CEP162: variants seen among roughly 807,000 people sequenced by gnomAD.
CEP162 encodes the protein centrosomal protein 162.
A neutral mutation model predicts 169.2 loss-of-function variants in CEP162; 141 were observed. The ratio of observed to expected loss-of-function variants is 0.83; its 90% CI spans 0.73 to 0.96. The LOEUF (loss-of-function observed/expected upper bound fraction) is 0.96. CEP162 is among the 40% of genes least tolerant of loss of function. The probability of loss-of-function intolerance (pLI) is 0.00; values close to 1 mark genes in which losing one functional copy is unlikely to be tolerated. For missense variants in CEP162, 1,600 were observed against 1,587.2 expected, an observed-to-expected ratio of 1.01 and a Z score of -0.14; for synonymous variants, 540 against 526.4, an observed-to-expected ratio of 1.03 and a Z score of -0.35.
At chr6:84,137,024 G>A (rs560802048) in intron 25 of CEP162, among the ~76,000 whole-genome samples, 12 of 152,310 alleles carry the variant, frequency 7.9e-5, no homozygotes, top group African/African-American at 2.6e-4. Context: ...GGGAGCCACC[G>A]TGCAAGGATT....
Position 84,152,988 on chromosome 6 carries a change from C to T in CEP162, c.3186G>A (p.Lys1062=). 1 of 1,613,514 alleles carries T rather than the reference C, an allele frequency of 6.2e-7. No homozygotes were observed. Among genetic ancestry groups the T allele is most frequent in the Middle Eastern group, 1.7e-4 (1 of 6,060 alleles). ...AATCTTCATCATCTTTATCATTTTT[C>T]TTGACGTCTAATTCAGCATTCTGAT... ...LKHQNAELDV[K]KNDKDDEDFQ... is the part of the protein sequence containing the mutation. Residue 1062 remains lysine, a synonymous_variant, in exon 23 of 27, where the codon AAG becomes AAA. Transcript: ENST00000403245.
intron 13 of CEP162, among the ~76,000 whole-genome samples, chr6:84,182,571 G>A (rs905183737): frequency 6.6e-6 from 1 of 151,950 alleles, no homozygotes; most frequent in Non-Finnish European, 1.5e-5. Context: ...TTCAACTTAC[G>A]GCCACAAGAT....
Position 84,149,634 on chromosome 6 carries a change from G to T in CEP162, c.3699C>A (p.Leu1233=), listed in dbSNP as rs2099520376. The T allele has an allele frequency of 6.2e-7, 1 of 1,604,974 alleles. No homozygotes were observed. The highest frequency in any genetic ancestry group is 1.1e-5 in the South Asian group (1 of 89,976). ...AATTTTCTACTGCATTTTGGCAAAG[G>T]AGTTTCTCTATTTCTCTCTGATGAG... The part of the protein sequence containing the change: ...KASHQREIEK[L]LCQNAVENSS... The change falls in exon 24 of 27, where the codon CTC becomes CTA. Residue 1233 remains leucine (L), a synonymous_variant. Coordinates refer to ENST00000403245, the MANE Select transcript of CEP162 (RefSeq NM_014895.4).
intron 3 of CEP162, among the ~76,000 whole-genome samples, chr6:84,218,534 T>TG (rs1180387988): frequency 1.3e-5 from 2 of 152,252 alleles, no homozygotes; most frequent in African/African-American, 4.8e-5. Context: ...GTTTTATTTT[T>TG]GTTTTTTGCT....
chr6:84,156,358 C>A (rs74574410), intron 21 of CEP162, among the ~76,000 whole-genome samples: 6,439 of 151,942 alleles, frequency 0.042, 198 homozygotes, highest in Admixed American at 0.086. Context: ...GCAACAAAAC[C>A]AAAAATAAAC....
chr6:84,135,869 C>A (rs1004266462), intron 25 of CEP162, among the ~76,000 whole-genome samples: 4 of 152,118 alleles, frequency 2.6e-5, no homozygotes, highest in South Asian at 4.1e-4. Flanking sequence ...CTCAAAAAAA[C>A]AACAAAAAAA....
intron 2 of CEP162, among the ~76,000 whole-genome samples, chr6:84,224,381 G>A (rs1437638883): frequency 6.6e-6 from 1 of 152,142 alleles, no homozygotes; most frequent in Admixed American, 6.5e-5. Flanking sequence ...CCTAAGGCTA[G>A]GGAAGGGGGA....
intron 25 of CEP162, among the ~76,000 whole-genome samples, chr6:84,141,438 T>G (rs140498957): frequency 2.0e-5 from 3 of 152,242 alleles, no homozygotes; most frequent in African/African-American, 7.2e-5. Flanking sequence ...CCTCCTTACC[T>G]ACCTATAGTC....
intron 3 of CEP162, among the ~76,000 whole-genome samples, chr6:84,216,668 C>T (rs1392157056): frequency 1.3e-5 from 2 of 151,970 alleles, no homozygotes; most frequent in East Asian, 3.9e-4. Context: ...ATTTCTTAGA[C>T]ATTATTATGG....
chr6:84,201,676 G>A, intron 8 of CEP162, 61 bp downstream of exon 8: 1 of 816,494 alleles, frequency 1.2e-6, no homozygotes, highest in Admixed American at 2.7e-5. Flanking sequence ...GAATTACTGA[G>A]ATGAAATTCT....
chr6:84,146,385 C>T lies in CEP162; in HGVS notation c.3870+302G>A, dbSNP rs192109192. 5.7e-3 allele frequency among the ~76,000 whole-genome samples: 864 copies of T among 152,196 alleles called. 8 individuals carry two copies. Among genetic ancestry groups the T allele is most frequent in the Non-Finnish European group, 9.9e-3 (675 of 67,976 alleles). ...GTACTTTACTTAACACAGAAATGGA[C>T]TTCACTATTCAATTTTGTCTCCTGA... On this transcript the variant is annotated intron_variant, in intron 25 of 26. Transcript: ENST00000403245.
At chr6:84,187,426 G>C (rs192106122) in intron 11 of CEP162, among the ~76,000 whole-genome samples, 73 of 152,194 alleles carry the variant, frequency 4.8e-4, no homozygotes, top group Middle Eastern at 6.8e-3. Context: ...TTGGCTTCTT[G>C]GTAACTGCTA....
intron 2 of CEP162, among the ~76,000 whole-genome samples, chr6:84,221,555 AAT>A (rs1272077663): frequency 6.6e-6 from 1 of 152,228 alleles, no homozygotes; most frequent in East Asian, 1.9e-4. Flanking sequence ...ACAGAATTTC[AAT>A]ATAAGGAAGA....
chr6:84,163,321 T>C lies in CEP162; in HGVS notation c.2386-51A>G, dbSNP rs1165050228. 7 of 1,354,334 alleles carry C rather than the reference T, an allele frequency of 5.2e-6. No homozygotes were observed. In the Admixed American group the frequency reaches 7.5e-5, roughly 15 times the overall value. 83.9% of individuals were successfully genotyped at this position (1,354,334 alleles called of 1,614,324 possible). A position where few individuals can be genotyped will look rare whatever the true frequency, so the allele number is the denominator to read the frequency against. On this transcript the variant is annotated intron_variant, in intron 18 of 26. Coordinates refer to ENST00000403245, the MANE Select transcript of CEP162 (RefSeq NM_014895.4). ...GCAAGTTTTTTACAACCACAATAAA[T>C]TGTGGTATAGTCTTTCAAACAATCC... is the stretch of plus-strand genomic sequence containing the variant.
chr6:84,211,075 A>G (rs2099549221), intron 6 of CEP162, among the ~76,000 whole-genome samples: 1 of 152,222 alleles, frequency 6.6e-6, no homozygotes, highest in South Asian at 2.1e-4. Context: ...ACGAAACTAA[A>G]TAGCCAACAG....
chr6:84,218,620 G>GA (rs1452613880), intron 3 of CEP162, among the ~76,000 whole-genome samples: 1 of 152,120 alleles, frequency 6.6e-6, no homozygotes, highest in Non-Finnish European at 1.5e-5. Flanking sequence ...ATGAAGATTA[G>GA]AAAAAATATC....
intron 9 of CEP162, among the ~76,000 whole-genome samples, chr6:84,195,294 C>T (rs933361846): frequency 2.6e-5 from 4 of 152,206 alleles, no homozygotes; most frequent in African/African-American, 9.7e-5. Context: ...ATAAAATCTG[C>T]TTTCACTCGT....
intron 13 of CEP162, among the ~76,000 whole-genome samples, chr6:84,180,583 T>C (rs1041218411): frequency 1.3e-5 from 2 of 150,642 alleles, no homozygotes; most frequent in African/African-American, 4.8e-5. Flanking sequence ...CATGATTGTG[T>C]ATTTAGAATA....
intron 6 of CEP162, among the ~76,000 whole-genome samples, chr6:84,209,146 T>C (rs575229850): frequency 6.6e-6 from 1 of 152,282 alleles, no homozygotes; most frequent in Non-Finnish European, 1.5e-5. Flanking sequence ...CTAAATTCAA[T>C]TCCCGGTTCC....
Sources: gnomAD v4.1 joint callset for allele counts (sites outside exome capture counted in the v4.1 genomes callset) on GRCh38, gnomAD v4.1.1 for gene constraint, MANE v1.5 for transcripts, NCBI Gene and HGNC (gene_info 2026-07-23, HGNC 2026-07-21) for gene names.